Variants in TLE2 observed in about 807,000 individuals in gnomAD.
The protein encoded by TLE2 is TLE family member 2, transcriptional corepressor, also known as transducin-like enhancer protein 2.
A neutral mutation model predicts 97.2 loss-of-function variants in TLE2; 74 were observed. That is an observed-to-expected ratio of 0.76 (90% CI 0.63 to 0.92). The LOEUF is 0.92. TLE2 is among the 40% of genes least tolerant of loss of function. The pLI, the probability that TLE2 is intolerant of heterozygous loss-of-function variation, is 0.00. For synonymous variants in TLE2, 499 were observed against 432.1 expected, an observed-to-expected ratio of 1.15 and a Z score of -1.92; for missense variants, 1,038 against 1,008.7, an observed-to-expected ratio of 1.03 and a Z score of -0.39.
intron 12 of TLE2, among the ~76,000 whole-genome samples, 183 bp from the exon 13 acceptor site, chr19:3,009,885 C>CTTTTT (rs66977119): frequency 7.2e-6 from 1 of 139,356 alleles, no homozygotes; most frequent in African/African-American, 2.6e-5. Flanking sequence ...CTTTCTCTCT[C>CTTTTT]TCTTTTTTTC....
chr19:3,046,383 T>C (rs1568258782), upstream of TLE2, among the ~76,000 whole-genome samples: 1 of 152,236 alleles, frequency 6.6e-6, no homozygotes, highest in Admixed American at 6.5e-5. Flanking sequence ...TAATGCGTCC[T>C]AGCTTTAGCT....
At chr19:3,016,643 C>T (rs1187409662) in intron 8 of TLE2, among the ~76,000 whole-genome samples, 4 of 151,558 alleles carry the variant, frequency 2.6e-5, no homozygotes, top group Non-Finnish European at 4.4e-5. Flanking sequence ...TGACACAGCT[C>T]ACATGACATT....
In TLE2 at chr19:3,045,724, G is replaced by C. The variant is rs762371311; in HGVS notation, c.63+2C>G. On this transcript the variant is annotated splice_donor_variant, in intron 1 of 18. Transcript: ENST00000426948. LOFTEE classifies it high-confidence loss of function. ...CGGGCGCCTGTAATCCCAGCTACTC[G>C]CCTGTAATCCTGAAGCAGGAGAATC... 5.4e-5 allele frequency: 24 copies of C among 446,138 alleles called. No individual in the cohort carries two copies. The highest frequency in any genetic ancestry group is 4.5e-4 in the Middle Eastern group (1 of 2,222). The allele number at this position is 446,138 out of a possible 1,614,324, so 27.6% of individuals were successfully genotyped here.
At chr19:3,024,608 G>C (rs1307049090) in intron 5 of TLE2, among the ~76,000 whole-genome samples, 1 of 152,112 alleles carries the variant, frequency 6.6e-6, no homozygotes, top group African/African-American at 2.4e-5. Flanking sequence ...TGCTGAGTAA[G>C]CGTACCCATC....
chr19:3,006,276 C>T (rs83488), intron 15 of TLE2, 144 bp downstream of exon 15: 1,089,867 of 1,341,232 alleles, frequency 0.81, 444,844 homozygotes, highest in East Asian at 0.95. Flanking sequence ...TTGTCCCATG[C>T]GACTACGAGC....
At position 3,028,762 on chromosome 19, in the gene TLE2, C is replaced by T; in HGVS notation, c.66G>A (p.Leu22=). ...QSGQPFKFSI[L]EICDRIKEEF... is the part of the protein sequence containing the mutation. The stretch of plus-strand genomic sequence containing the variant: ...CTTCTTTGATGCGGTCGCAGATCTC[C>T]AAGATCGAGAACTTGAAGGGCTGGC... Residue 22 remains leucine, a synonymous_variant, in exon 2 of 20, where the codon TTG becomes TTA. Transcript: ENST00000262953. The T allele has an allele frequency of 1.9e-6, 3 of 1,612,926 alleles. No homozygotes were observed. Among genetic ancestry groups the T allele is most frequent in the Non-Finnish European group, 2.5e-6 (3 of 1,179,832 alleles).
rs2089721851 is a variant in TLE2, at chr19:3,017,008, C to T, written c.570+832G>A. ...GGCCAAGCTGGTCTCGAACTCCTGACCTCAAGTGATCCACCCACCTTGGCC... is the reference window on the plus strand; with the variant it reads ...GGCCAAGCTGGTCTCGAACTCCTGATCTCAAGTGATCCACCCACCTTGGCC... On this transcript the variant is annotated intron_variant, in intron 8 of 19. Coordinates refer to ENST00000262953, the MANE Select transcript of TLE2 (RefSeq NM_003260.5). Among the ~76,000 whole-genome samples, 3 of 122,264 alleles carry T rather than the reference C, an allele frequency of 2.5e-5. No homozygotes were observed. The South Asian group carries it at 6.8e-4, about 28-fold the overall frequency. 80.2% of individuals were successfully genotyped at this position (122,264 alleles called of 152,430 possible).
intron 1 of TLE2, among the ~76,000 whole-genome samples, chr19:3,041,014 T>TGTATATATATATATATA (rs55998855): frequency 9.9e-5 from 2 of 20,168 alleles, no homozygotes; most frequent in African/African-American, 2.1e-4. Context: ...TATATATATA[T>TGTATATATATATATATA]TTTTTTTTTT....
At chr19:3,027,993 GC>G (rs369653536) in intron 3 of TLE2, 120 bp from the exon 4 acceptor site, 169 of 997,422 alleles carry the variant, frequency 1.7e-4, no homozygotes, top group African/African-American at 6.2e-4. Flanking sequence ...AGGAAGCAGA[GC>G]CCCCCCCAGC....
chr19:3,044,056 G>A (rs1347808265), intron 1 of TLE2, among the ~76,000 whole-genome samples: 1 of 149,054 alleles, frequency 6.7e-6, no homozygotes, highest in Non-Finnish European at 1.5e-5. Flanking sequence ...CCCTGTAATC[G>A]CAGCTGCTTG....
At chr19:3,022,416 C>T (rs1369975050) in intron 5 of TLE2, among the ~76,000 whole-genome samples, 1 of 151,480 alleles carries the variant, frequency 6.6e-6, no homozygotes, top group South Asian at 2.1e-4. Context: ...GTAATCCCAA[C>T]TACTCGGGAG....
intron 8 of TLE2, chr19:3,015,991 C>T (rs1053754708): frequency 1.1e-5 from 7 of 621,990 alleles, no homozygotes; most frequent in Non-Finnish European, 1.8e-5. Flanking sequence ...GGCTGGAGTG[C>T]AGTGGAGCCA....
chr19:3,029,149 C>G lies in TLE2; in HGVS notation c.-245G>C, dbSNP rs1459678833. 1.1e-5 allele frequency: 11 copies of G among 960,450 alleles called. No individual in the cohort carries two copies. In the African/African-American group the frequency reaches 2.0e-4, roughly 17 times the overall value. The allele number at this position is 960,450 out of a possible 1,614,324, so 59.5% of individuals were successfully genotyped here. A position where few individuals can be genotyped will look rare whatever the true frequency, so the allele number is the denominator to read the frequency against. ...GAGCGGGGCGGGCAGGGGCAGCGGC[C>G]GGGGCGGGAGCGCGGCGAGGGCGGC... On this transcript the variant is annotated 5_prime_UTR_variant, in exon 1 of 20. Coordinates refer to ENST00000262953, the MANE Select transcript of TLE2 (RefSeq NM_003260.5).
At chr19:3,041,095 C>T (rs28632147) in intron 1 of TLE2, among the ~76,000 whole-genome samples, 32,203 of 127,598 alleles carry the variant, frequency 0.25, 3,958 homozygotes, top group Middle Eastern at 0.35. Flanking sequence ...GGCGAGATCT[C>T]GGCTTACTGC....
upstream of TLE2, among the ~76,000 whole-genome samples, chr19:3,046,424 C>G (rs1211759242): frequency 6.6e-6 from 1 of 152,232 alleles, no homozygotes; most frequent in Non-Finnish European, 1.5e-5. Context: ...CTCCACCCCT[C>G]CCCGCCCCCA....
intron 1 of TLE2, among the ~76,000 whole-genome samples, chr19:3,035,514 G>C (rs1475777956): frequency 2.0e-5 from 3 of 151,388 alleles, no homozygotes; most frequent in African/African-American, 7.3e-5. Flanking sequence ...AGGGTTTTAC[G>C]TTGTGGATGT....
intron 14 of TLE2, among the ~76,000 whole-genome samples, chr19:3,008,394 A>G (rs2089519309): frequency 6.6e-6 from 1 of 151,568 alleles, no homozygotes; most frequent in South Asian, 2.1e-4. Flanking sequence ...GTCAGAGTCT[A>G]CTTCTATGGA....
chr19:3,009,725 A>G, intron 12 of TLE2, 23 bp from the exon 13 acceptor site: 3 of 1,593,626 alleles, frequency 1.9e-6, no homozygotes, highest in Non-Finnish European at 1.7e-6. Flanking sequence ...AGTCGGGGAC[A>G]GGTTTTGACG....
upstream of TLE2, chr19:3,029,567 G>GGGC (rs2090005641): frequency 1.3e-6 from 1 of 746,578 alleles, no homozygotes; most frequent in Non-Finnish European, 1.6e-6. Context: ...GCGGGGGGGG[G>GGGC]GGCTTGCGGG....
Sources: allele counts gnomAD v4.1 joint callset (sites outside exome capture counted in the v4.1 genomes callset), GRCh38; gene constraint gnomAD v4.1.1; transcripts MANE v1.5; gene names NCBI Gene and HGNC (gene_info 2026-07-23, HGNC 2026-07-21).